The following RPS6KA3 variants were observed in gnomAD, a reference collection of about 807,000 sequenced individuals.
RPS6KA3 encodes the protein ribosomal protein S6 kinase alpha-3.
In RPS6KA3, 4 loss-of-function variants were observed where a neutral mutation model predicts 67.2. That is an observed-to-expected ratio of 0.06 (90% CI 0.03 to 0.14). The LOEUF is 0.14. Among genes scored for constraint, RPS6KA3 ranks in the 10% least tolerant of loss-of-function variants. The pLI, the probability that RPS6KA3 is intolerant of heterozygous loss-of-function variation, is 1.00. For missense variants in RPS6KA3, 204 were observed against 559.0 expected (o/e 0.36, Z 6.40); for synonymous variants, 182 against 183.7 (o/e 0.99, Z 0.07).
At chrX:20,260,028 T>C (rs1217625278) in intron 1 of RPS6KA3, among the ~76,000 whole-genome samples, 2 of 111,541 alleles carry the variant, frequency 1.8e-5, no homozygotes, top group Admixed American at 1.9e-4. Flanking sequence ...AGTTACCCTA[T>C]GGCATTTCGA....
chrX:20,181,276 A>G (rs1257143203), intron 10 of RPS6KA3, among the ~76,000 whole-genome samples: 1 of 112,036 alleles, frequency 8.9e-6, no homozygotes, highest in Non-Finnish European at 1.9e-5. Context: ...GAAAATTTTT[A>G]TAATTAAAAA....
chrX:20,180,223 C>A (rs143519267), intron 10 of RPS6KA3, among the ~76,000 whole-genome samples: 15,359 of 108,832 alleles, frequency 0.14, 871 homozygotes, highest in African/African-American at 0.15. Flanking sequence ...GGGAACTTTA[C>A]AACGGAGGAA....
rs778517349 is a variant in RPS6KA3 at position 20,249,476 on chromosome X, C to A, written c.70-14662G>T. Among the ~76,000 whole-genome samples, 21 of 112,027 alleles carry A rather than the reference C, an allele frequency of 1.9e-4. No individual in the cohort carries two copies. In the South Asian group the frequency reaches 7.4e-3, roughly 39 times the overall value. On this transcript the variant is annotated intron_variant, in intron 1 of 21. Coordinates refer to ENST00000379565, the MANE Select transcript of RPS6KA3 (RefSeq NM_004586.3). ...TTGCATCCTCGCCATTTATTATTGTCACTATTTTTTATGTTGGCTGTTCTA... is the reference window on the plus strand; with the variant it reads ...TTGCATCCTCGCCATTTATTATTGTAACTATTTTTTATGTTGGCTGTTCTA...
intron 1 of RPS6KA3, among the ~76,000 whole-genome samples, chrX:20,263,370 A>C (rs2070286899): frequency 8.9e-6 from 1 of 112,372 alleles, no homozygotes. Flanking sequence ...AAAGCATATT[A>C]GCATCTTTAA....
chrX:20,205,589 C>T (rs1241120831), intron 3 of RPS6KA3, among the ~76,000 whole-genome samples: 1 of 111,842 alleles, frequency 8.9e-6, no homozygotes, highest in African/African-American at 3.3e-5. Context: ...CCATGCCCCA[C>T]GCTTTAGCTC....
chrX:20,159,720 A>G (rs1189394130), intron 20 of RPS6KA3, among the ~76,000 whole-genome samples: 1 of 112,271 alleles, frequency 8.9e-6, no homozygotes, highest in Non-Finnish European at 1.9e-5. Context: ...GTAAGCCCTG[A>G]TATTTTATTA....
In RPS6KA3 at chrX:20,266,725, C is replaced by A; in HGVS notation, c.-93G>T. The A allele has an allele frequency of 4.8e-6, 1 of 206,351 alleles. No homozygotes were observed. Among genetic ancestry groups the A allele is most frequent in the Non-Finnish European group, 5.5e-6 (1 of 182,637 alleles). 17.0% of individuals were successfully genotyped at this position (206,351 alleles called of 1,213,427 possible). ...CGTCGCCGCCCGAGCCCCACGGCAGCGGCGGCGGCGGCGGCGGCGGCGGCA... is the reference window on the plus strand; with the variant it reads ...CGTCGCCGCCCGAGCCCCACGGCAGAGGCGGCGGCGGCGGCGGCGGCGGCA... On this transcript the variant is annotated 5_prime_UTR_variant, in exon 1 of 22. Coordinates refer to ENST00000379565, the MANE Select transcript of RPS6KA3 (RefSeq NM_004586.3).
At chrX:20,248,487 T>G (rs2069764720) in intron 1 of RPS6KA3, among the ~76,000 whole-genome samples, 1 of 110,969 alleles carries the variant, frequency 9.0e-6, no homozygotes, top group Admixed American at 9.5e-5. Flanking sequence ...TTTAATTTTT[T>G]TTTATTTTTT....
Position 20,209,333 on chromosome X carries a change from G to C in RPS6KA3, c.198C>G (p.Ser66=), listed in dbSNP as rs2068651385. 1 of 1,197,814 alleles carries C rather than the reference G, an allele frequency of 8.3e-7. No homozygotes were observed. Among genetic ancestry groups the C allele is most frequent in the Non-Finnish European group, 1.1e-6 (1 of 884,747 alleles). ...VKEGHEKADP[S]QFELLKVLGQ... ...CTAATACTTTTAAAAGTTCAAACTG[G>C]GAAGGATCTGCCTTTTCATGTCCTT... is the stretch of plus-strand genomic sequence containing the variant. Residue 66 remains serine (S), a synonymous_variant, in exon 3 of 22, where the codon TCC becomes TCG. Transcript: ENST00000379565.
chrX:20,151,728 T>C lies in RPS6KA3; in HGVS notation c.*3670A>G, dbSNP rs1176970524. The C allele has an allele frequency of 8.9e-6, 1 of 112,278 alleles. No individual in the cohort carries two copies. 9.3% of individuals were successfully genotyped at this position (112,278 alleles called of 1,213,427 possible). A position where few individuals can be genotyped will look rare whatever the true frequency, so the allele number is the denominator to read the frequency against. ...AAACTGAAAAATTATAGGTCATTTT[T>C]AAAGGCCAGGAAGTAGAGAATATCA... On this transcript the variant is annotated 3_prime_UTR_variant, in exon 22 of 22. Coordinates refer to ENST00000379565, the MANE Select transcript of RPS6KA3 (RefSeq NM_004586.3).
chrX:20,252,974 T>C (rs997560509), intron 1 of RPS6KA3, among the ~76,000 whole-genome samples: 18 of 110,861 alleles, frequency 1.6e-4, no homozygotes, highest in African/African-American at 4.9e-4. Context: ...TTAAGTGTCA[T>C]TGCTTCTGGG....
At chrX:20,169,353 G>A (rs1302282528) in intron 16 of RPS6KA3, 49 bp downstream of exon 16, 1 of 801,109 alleles carries the variant, frequency 1.2e-6, no homozygotes, top group Non-Finnish European at 1.9e-6. Flanking sequence ...TACTTTCAAT[G>A]TGAGTTAGAC....
intron 2 of RPS6KA3, among the ~76,000 whole-genome samples, chrX:20,227,846 G>A (rs939791052): frequency 4.5e-5 from 5 of 110,707 alleles, no homozygotes; most frequent in Non-Finnish European, 9.5e-5. Flanking sequence ...AAAAAAAAAT[G>A]TTTCTTATGG....
chrX:20,189,002 G>A (rs1354674474), intron 7 of RPS6KA3, among the ~76,000 whole-genome samples: 6 of 112,194 alleles, frequency 5.3e-5, no homozygotes, highest in Non-Finnish European at 7.5e-5. Context: ...TTGAACTGCT[G>A]GGCTCAAGCT....
rs1291517568 is a variant in RPS6KA3 at position 20,266,636 on chromosome X, C to T, written c.-4G>A. The T allele has an allele frequency of 1.8e-6, 2 of 1,115,903 alleles. No homozygotes were observed. The highest frequency in any genetic ancestry group is 2.4e-6 in the Non-Finnish European group (2 of 846,348). The allele number at this position is 1,115,903 out of a possible 1,213,427, so 92.0% of individuals were successfully genotyped here. The stretch of plus-strand genomic sequence containing the variant: ...CCGCCAGCTGCGCCAGCGGCATCTT[C>T]CCCCCCGGCCCGCCGCCTTCACCGC... On this transcript the variant is annotated 5_prime_UTR_variant, in exon 1 of 22. Transcript: ENST00000379565.
chrX:20,167,740 T>A lies in RPS6KA3; in HGVS notation c.1451A>T (p.Asp484Val). ...PNIITLKDVYDDGKYVYVVTE... is the reference protein window; with the variant it reads ...PNIITLKDVYVDGKYVYVVTE... ...TACTACATACACATACTTTCCATCA[T>A]CATATACCTATAAATTTCAACATCA... is the stretch of plus-strand genomic sequence containing the variant. Residue 484 changes from aspartate (D) to valine (V), a missense_variant, in exon 17 of 22, where the codon GAT (aspartate) becomes GTT (valine). By Grantham distance (152) the Asp-to-Val change is radical. Around this residue, in one of 4 missense-constraint regions of RPS6KA3, gnomAD observed 73 missense variants for 241.1 expected, o/e 0.30. Coordinates refer to ENST00000379565, the MANE Select transcript of RPS6KA3 (RefSeq NM_004586.3). 9.0e-7 allele frequency: 1 copy of A among 1,105,116 alleles called. No individual in the cohort carries two copies. The highest frequency in any genetic ancestry group is 1.3e-6 in the Non-Finnish European group (1 of 798,136). The allele number at this position is 1,105,116 out of a possible 1,213,427, so 91.1% of individuals were successfully genotyped here.
chrX:20,196,787 G>A (rs770261534), intron 4 of RPS6KA3, among the ~76,000 whole-genome samples: 10 of 111,608 alleles, frequency 9.0e-5, no homozygotes, highest in Non-Finnish European at 1.5e-4. Flanking sequence ...AGCAATCTCT[G>A]ATTTCATTAC....
At chrX:20,266,415 A>T in intron 1 of RPS6KA3, 149 bp downstream of exon 1, 1 of 465,960 alleles carries the variant, frequency 2.1e-6, no homozygotes, top group Non-Finnish European at 3.7e-6. Context: ...CAATAGACCC[A>T]CCCCAACAAC....
In RPS6KA3 at chrX:20,195,154, G is replaced by C. The variant is rs2068239410; in HGVS notation, c.326-9C>G. 3 of 1,080,706 alleles carry C rather than the reference G, an allele frequency of 2.8e-6. No individual in the cohort carries two copies. The African/African-American group carries it at 5.5e-5, about 20-fold the overall frequency. The allele number at this position is 1,080,706 out of a possible 1,213,427, so 89.1% of individuals were successfully genotyped here. A position where few individuals can be genotyped will look rare whatever the true frequency, so the allele number is the denominator to read the frequency against. ...CCGAACTCGGTCTCGAACTATAAAAGATTGTATGTATGCTACATTGTAATA... is the reference window on the plus strand; with the variant it reads ...CCGAACTCGGTCTCGAACTATAAAACATTGTATGTATGCTACATTGTAATA... On this transcript the variant is annotated splice_polypyrimidine_tract_variant and intron_variant, in intron 4 of 21. Transcript: ENST00000379565.
Sources: allele counts gnomAD v4.1 joint callset (sites outside exome capture counted in the v4.1 genomes callset), GRCh38; gene constraint gnomAD v4.1.1; regional missense constraint gnomAD v4.1.1; transcripts MANE v1.5; gene names NCBI Gene and HGNC (gene_info 2026-07-23, HGNC 2026-07-21).